LAMA2: variants seen among roughly 807,000 people sequenced by gnomAD.
LAMA2 encodes the protein laminin subunit alpha-2.
A neutral mutation model predicts 364.8 loss-of-function variants in LAMA2; 269 were observed. The observed-to-expected ratio is 0.74, with a 90% CI of 0.67 to 0.82. The LOEUF is 0.82. LAMA2 is among the 40% of genes least tolerant of loss of function. The probability of loss-of-function intolerance (pLI) is 0.00; values close to 1 mark genes in which losing one functional copy is unlikely to be tolerated. For missense variants in LAMA2, 3,807 were observed against 3,873.2 expected (o/e 0.98, Z 0.45); for synonymous variants, 1,379 against 1,370.6 (o/e 1.01, Z -0.14).
At chr6:129,289,973 G>A (rs892776877) in intron 19 of LAMA2, among the ~76,000 whole-genome samples, 8 of 152,118 alleles carry the variant, frequency 5.3e-5, no homozygotes, top group Admixed American at 2.0e-4. Flanking sequence ...AAAGTTCCTG[G>A]AAATACATTA....
intron 1 of LAMA2, among the ~76,000 whole-genome samples, chr6:129,042,521 T>C (rs917552488): frequency 7.9e-5 from 12 of 151,968 alleles, no homozygotes; most frequent in African/African-American, 2.9e-4. Flanking sequence ...TTTATCTACA[T>C]TGAAATGCAT....
intron 2 of LAMA2, among the ~76,000 whole-genome samples, chr6:129,054,284 T>C (rs1162060622): frequency 6.6e-6 from 1 of 152,176 alleles, no homozygotes; most frequent in East Asian, 1.9e-4. Context: ...TGTGGACTGA[T>C]ACTCTTGGAG....
intron 35 of LAMA2, among the ~76,000 whole-genome samples, chr6:129,386,855 C>T (rs1220071612): frequency 2.0e-5 from 3 of 152,036 alleles, no homozygotes; most frequent in African/African-American, 7.2e-5. Flanking sequence ...TACTGAAGGC[C>T]CATGTCCATT....
At position 129,516,531 on chromosome 6, in the gene LAMA2, C is replaced by T; in HGVS notation, c.*184C>T. The T allele has an allele frequency of 1.8e-6, 1 of 550,142 alleles. No individual in the cohort carries two copies. The highest frequency in any genetic ancestry group is 2.4e-5 in the African/African-American group (1 of 41,036). 34.1% of individuals were successfully genotyped at this position (550,142 alleles called of 1,614,324 possible). A position where few individuals can be genotyped will look rare whatever the true frequency, so the allele number is the denominator to read the frequency against. The stretch of plus-strand genomic sequence containing the variant: ...TTTTAATTCAAGTTCTTTCTCAAGT[C>T]TATAAATAATATTAAACTGATTATT... On this transcript the variant is annotated 3_prime_UTR_variant, in exon 65 of 65. Transcript: ENST00000421865.
intron 12 of LAMA2, among the ~76,000 whole-genome samples, chr6:129,200,475 T>C (rs946956107): frequency 2.7e-5 from 4 of 150,598 alleles, no homozygotes; most frequent in Non-Finnish European, 5.9e-5. Context: ...CACATATACA[T>C]GTATATATAT....
intron 3 of LAMA2, among the ~76,000 whole-genome samples, chr6:129,095,992 CTT>C (rs1182833552): frequency 6.6e-6 from 1 of 151,392 alleles, no homozygotes; most frequent in Non-Finnish European, 1.5e-5. Flanking sequence ...TATTCTTCTT[CTT>C]TATGATTTTA....
At chr6:129,026,308 TATTAA>T (rs1466592948) in intron 1 of LAMA2, among the ~76,000 whole-genome samples, 1 of 152,188 alleles carries the variant, frequency 6.6e-6, no homozygotes, top group Non-Finnish European at 1.5e-5. Flanking sequence ...TTGATTTCTG[TATTAA>T]ATTATGTAAC....
rs745697361 is a variant in LAMA2, at chr6:129,453,148, A to G, written c.6573+17A>G. 50 of 1,606,984 alleles carry G rather than the reference A, an allele frequency of 3.1e-5. No individual in the cohort carries two copies. The highest frequency in any genetic ancestry group is 3.1e-4 in the South Asian group (28 of 90,924). ...GCCAAATTTGTAAGTCTAATATTCA[A>G]CTTTTCATTAGGCTGCTGTATGTGT... On this transcript the variant is annotated intron_variant, in intron 46 of 64. Coordinates refer to ENST00000421865, the MANE Select transcript of LAMA2 (RefSeq NM_000426.4).
At chr6:129,092,544 A>G (rs905486905) in intron 3 of LAMA2, among the ~76,000 whole-genome samples, 1 of 152,228 alleles carries the variant, frequency 6.6e-6, no homozygotes, top group Non-Finnish European at 1.5e-5. Context: ...CAGTACATGG[A>G]AATGTTAAAA....
At chr6:129,077,599 TGAGAAGATATAAAG>T (rs1396872880) in intron 3 of LAMA2, among the ~76,000 whole-genome samples, 121 of 152,348 alleles carry the variant, frequency 7.9e-4, no homozygotes, top group African/African-American at 2.8e-3. Flanking sequence ...GCAACACAGA[TGAGAAGATATAAAG>T]TTGTTTTATT....
At chr6:129,429,889 A>AT (rs894384638) in intron 41 of LAMA2, among the ~76,000 whole-genome samples, 3 of 152,180 alleles carry the variant, frequency 2.0e-5, no homozygotes, top group East Asian at 1.9e-4. Context: ...ATTTTCAGCC[A>AT]TTTTTTTTCC....
chr6:129,295,582 C>T (rs1773118479), intron 20 of LAMA2, among the ~76,000 whole-genome samples: 1 of 152,108 alleles, frequency 6.6e-6, no homozygotes, highest in African/African-American at 2.4e-5. Flanking sequence ...TTTAAAGCTA[C>T]ATTATTTAAA....
intron 56 of LAMA2, among the ~76,000 whole-genome samples, chr6:129,487,672 A>T (rs1032707522): frequency 2.0e-5 from 3 of 152,228 alleles, no homozygotes; most frequent in African/African-American, 7.2e-5. Flanking sequence ...CTTACCTTCT[A>T]AGTAAACAAC....
Position 129,154,455 on chromosome 6 carries a change from T to A in LAMA2, c.1028-50T>A, listed in dbSNP as rs1338236664. 18 of 1,481,792 alleles carry A rather than the reference T, an allele frequency of 1.2e-5. No homozygotes were observed. In the East Asian group the frequency reaches 4.1e-4, roughly 34 times the overall value. The allele number at this position is 1,481,792 out of a possible 1,614,324, so 91.8% of individuals were successfully genotyped here. The stretch of plus-strand genomic sequence containing the variant: ...ATGTATAACAGAAATGATTTTTAAA[T>A]GTATCTGAAATCAAATTGATGTTTA... On this transcript the variant is annotated intron_variant, in intron 7 of 64. Coordinates refer to ENST00000421865, the MANE Select transcript of LAMA2 (RefSeq NM_000426.4).
intron 1 of LAMA2, among the ~76,000 whole-genome samples, chr6:128,989,396 A>T (rs954096758): frequency 2.6e-4 from 39 of 152,232 alleles, no homozygotes; most frequent in African/African-American, 9.2e-4. Context: ...ATCAATTTAT[A>T]GAATAGTATT....
intron 40 of LAMA2, among the ~76,000 whole-genome samples, chr6:129,424,968 ACAC>A (rs1178258314): frequency 6.6e-6 from 1 of 152,036 alleles, no homozygotes; most frequent in African/African-American, 2.4e-5. Context: ...ATGGATACAC[ACAC>A]AACATAGATA....
chr6:128,963,282 A>G (rs146120862), intron 1 of LAMA2, among the ~76,000 whole-genome samples: 1 of 152,274 alleles, frequency 6.6e-6, no homozygotes, highest in East Asian at 1.9e-4. Context: ...CTAGGTTGAA[A>G]TGATGGTGCA....
At chr6:129,140,584 C>T (rs1314850812) in intron 4 of LAMA2, among the ~76,000 whole-genome samples, 1 of 152,072 alleles carries the variant, frequency 6.6e-6, no homozygotes, top group Non-Finnish European at 1.5e-5. Context: ...GGGATGGATA[C>T]ATTTCATCTT....
chr6:128,947,153 CA>C (rs1562859262), intron 1 of LAMA2, among the ~76,000 whole-genome samples: 2 of 152,072 alleles, frequency 1.3e-5, no homozygotes, highest in Non-Finnish European at 2.9e-5. Flanking sequence ...AATGGTATGC[CA>C]GGGGTGAGGA....
Sources: gnomAD v4.1 joint callset for allele counts (sites outside exome capture counted in the v4.1 genomes callset) on GRCh38, gnomAD v4.1.1 for gene constraint, MANE v1.5 for transcripts, NCBI Gene and HGNC (gene_info 2026-07-23, HGNC 2026-07-21) for gene names.